The following KIRREL3 variants were observed in gnomAD, a reference collection of about 807,000 sequenced individuals.
The protein encoded by KIRREL3 is kirre like nephrin family adhesion molecule 3.
Under a neutral mutation model 89.7 loss-of-function variants are expected in KIRREL3, and 36 were observed. The observed-to-expected ratio is 0.40, with a 90% CI of 0.31 to 0.53. The LOEUF is 0.53. KIRREL3 is among the 20% of genes least tolerant of loss of function. The pLI, the probability that KIRREL3 is intolerant of heterozygous loss-of-function variation, is 0.49. For synonymous variants in KIRREL3, 445 were observed against 441.4 expected, an observed-to-expected ratio of 1.01 and a Z score of -0.10; for missense variants, 864 against 1,056.6, an observed-to-expected ratio of 0.82 and a Z score of 2.53.
chr11:126,687,514 T>G lies in KIRREL3; in HGVS notation c.56-124602A>C, dbSNP rs1866936914. ...GATATTCCCATGGAGCTGCTAGTTC[T>G]GGAAACACTATGGGGGAAATTGCAG... On this transcript the variant is annotated intron_variant, in intron 1 of 16. Transcript: ENST00000525144. The surrounding 1 kb of genome is among the most constrained non-coding windows in gnomAD (Gnocchi z 4.6). Among the ~76,000 whole-genome samples the G allele has an allele frequency of 6.6e-6, 1 of 152,250 alleles. No individual in the cohort carries two copies. The highest frequency in any genetic ancestry group is 6.5e-5 in the Admixed American group (1 of 15,280).
intron 1 of KIRREL3, among the ~76,000 whole-genome samples, chr11:126,674,804 C>T (rs199945100): frequency 1.3e-5 from 2 of 152,298 alleles, no homozygotes; most frequent in East Asian, 3.9e-4. Flanking sequence ...GATGTGCTTA[C>T]CCTGCACACT....
intron 1 of KIRREL3, among the ~76,000 whole-genome samples, chr11:126,835,729 C>T (rs971384877): frequency 2.0e-5 from 3 of 152,196 alleles, no homozygotes; most frequent in Non-Finnish European, 4.4e-5. Context: ...GAATATAATC[C>T]CCTAAAGAGG....
In KIRREL3 at chr11:126,795,071, T is replaced by C. The variant is rs1950762888; in HGVS notation, c.55+205384A>G. The stretch of plus-strand genomic sequence containing the variant: ...AAGAAAGTTCAGTGTTTGCCAGGGG[T>C]TGGGCAGGAGGAGGAGGAGAGAGAT... On this transcript the variant is annotated intron_variant, in intron 1 of 16. Transcript: ENST00000525144. This position sits in a 1 kb window ranked among gnomAD's most constrained non-coding sequence, Gnocchi z 4.1. 6.6e-6 allele frequency among the ~76,000 whole-genome samples: 1 copy of C among 152,084 alleles called. No individual in the cohort carries two copies.
chr11:126,613,052 C>T (rs1299390820), intron 1 of KIRREL3, among the ~76,000 whole-genome samples: 2 of 152,106 alleles, frequency 1.3e-5, no homozygotes, highest in African/African-American at 2.4e-5. Flanking sequence ...TTTGCAGAAC[C>T]GCCAAACTGC....
Position 126,805,025 on chromosome 11 carries a change from T to C in KIRREL3, c.55+195430A>G, listed in dbSNP as rs964309058. ...ATTAAGATTCAGAAAAGTTGGCTTA[T>C]CATTTAAGGAGCACAGTTCATAGGG... On this transcript the variant is annotated intron_variant, in intron 1 of 16. Coordinates refer to ENST00000525144, the MANE Select transcript of KIRREL3 (RefSeq NM_032531.4). The surrounding 1 kb of genome is among the most constrained non-coding windows in gnomAD (Gnocchi z 4.3). Among the ~76,000 whole-genome samples the C allele has an allele frequency of 6.6e-6, 1 of 152,204 alleles. No homozygotes were observed. The highest frequency in any genetic ancestry group is 2.4e-5 in the African/African-American group (1 of 41,454).
At position 126,685,099 on chromosome 11, in the gene KIRREL3, T is replaced by C. The variant is rs2082568867; in HGVS notation, c.56-122187A>G. Among the ~76,000 whole-genome samples, 1 of 152,120 alleles carries C rather than the reference T, an allele frequency of 6.6e-6. No individual in the cohort carries two copies. Among genetic ancestry groups the C allele is most frequent in the Non-Finnish European group, 1.5e-5 (1 of 68,026 alleles). ...GGAGGAAATACAAAGATGAAGGACATAGTCAATCTCTTCAAGGAGGTCATG... is the reference window on the plus strand; with the variant it reads ...GGAGGAAATACAAAGATGAAGGACACAGTCAATCTCTTCAAGGAGGTCATG... On this transcript the variant is annotated intron_variant, in intron 1 of 16. Coordinates refer to ENST00000525144, the MANE Select transcript of KIRREL3 (RefSeq NM_032531.4). The surrounding 1 kb of genome is among the most constrained non-coding windows in gnomAD (Gnocchi z 5.5).
chr11:126,436,995 C>A lies in KIRREL3; in HGVS notation c.1368G>T (p.Lys456Asn). ...PPPDRIAWSW[K>N]ENVLESGTSG... is the part of the protein sequence containing the mutation. The stretch of plus-strand genomic sequence containing the variant: ...ATGTGCCCGACTCCAGAACGTTCTC[C>A]TTCCAGGACCAGGCCTGCCCGGGGG... Residue 456 changes from lysine to asparagine, a missense_variant, in exon 12 of 17, where the codon AAG (lysine) becomes AAT (asparagine). Lys to Asn is a moderately conservative substitution (Grantham distance 94). Transcript: ENST00000525144. The A allele has an allele frequency of 1.3e-6, 2 of 1,553,178 alleles. No homozygotes were observed. Among genetic ancestry groups the A allele is most frequent in the Non-Finnish European group, 1.7e-6 (2 of 1,143,654 alleles).
Position 126,808,922 on chromosome 11 carries a change from A to G in KIRREL3, c.55+191533T>C, listed in dbSNP as rs1951290238. 6.6e-6 allele frequency among the ~76,000 whole-genome samples: 1 copy of G among 152,178 alleles called. No individual in the cohort carries two copies. The highest frequency in any genetic ancestry group is 1.5e-5 in the Non-Finnish European group (1 of 68,044). ...TCAAGGTCGGGAGGTTCCAGAATGG[A>G]CTGATTCTGCTTTATTCATAACTGT... On this transcript the variant is annotated intron_variant, in intron 1 of 16. Transcript: ENST00000525144. The surrounding 1 kb of genome is among the most constrained non-coding windows in gnomAD (Gnocchi z 4.1).
rs558577390 is a variant in KIRREL3, at chr11:126,612,882, A to C, written c.56-49970T>G. On this transcript the variant is annotated intron_variant, in intron 1 of 16. Transcript: ENST00000525144. The surrounding 1 kb of genome is among the most constrained non-coding windows in gnomAD (Gnocchi z 4.5). ...TATAAGCGCATTTTGTCCATTCATC[A>C]TCTGCTAGACATTTGGGCTGTTTCC... Among the ~76,000 whole-genome samples the C allele has an allele frequency of 1.3e-5, 2 of 152,282 alleles. No homozygotes were observed. The highest frequency in any genetic ancestry group is 3.9e-4 in the East Asian group (2 of 5,192).
Position 126,943,351 on chromosome 11 carries a change from GAAC to G in KIRREL3, c.55+57101_55+57103del, listed in dbSNP as rs1948517907. Among the ~76,000 whole-genome samples the G allele has an allele frequency of 6.6e-6, 1 of 152,090 alleles. No individual in the cohort carries two copies. Among genetic ancestry groups the G allele is most frequent in the Non-Finnish European group, 1.5e-5 (1 of 68,022 alleles). On this transcript the variant is annotated intron_variant, in intron 1 of 16. Transcript: ENST00000525144. The surrounding 1 kb of genome is among the most constrained non-coding windows in gnomAD (Gnocchi z 4.2). ...TCCACCACGGAACGCCTTACTCCTG[GAAC>G]TAATCACAGCATTTCTCTACCCTCC...
chr11:126,440,622 A>G, intron 10 of KIRREL3, 73 bp from the exon 11 acceptor site: 1 of 1,290,956 alleles, frequency 7.7e-7, no homozygotes, highest in Non-Finnish European at 1.1e-6. Flanking sequence ...GGGTGGGTTC[A>G]GAAGTGTATT....
At chr11:126,790,550 TA>T (rs950345081) in intron 1 of KIRREL3, among the ~76,000 whole-genome samples, 5 of 152,054 alleles carry the variant, frequency 3.3e-5, no homozygotes, top group African/African-American at 1.2e-4. Flanking sequence ...CATGTTTAAT[TA>T]AAAAAAATAC....
intron 5 of KIRREL3, among the ~76,000 whole-genome samples, chr11:126,470,169 A>T (rs948327696): frequency 6.6e-6 from 1 of 152,276 alleles, no homozygotes; most frequent in Non-Finnish European, 1.5e-5. Context: ...CTCTCTCTCC[A>T]CCTGATGGCA....
intron 1 of KIRREL3, among the ~76,000 whole-genome samples, chr11:126,826,397 T>C (rs1472855598): frequency 6.6e-6 from 1 of 152,232 alleles, no homozygotes; most frequent in East Asian, 1.9e-4. Context: ...TGATTTCCCA[T>C]ATGACCATGC....
intron 1 of KIRREL3, among the ~76,000 whole-genome samples, chr11:126,657,458 A>C (rs1370582912): frequency 1.3e-5 from 2 of 152,202 alleles, no homozygotes; most frequent in African/African-American, 4.8e-5. Context: ...AAACCTCCAT[A>C]TGTGGCAGGG....
In KIRREL3 at chr11:126,773,962, T is replaced by C. The variant is rs554264518; in HGVS notation, c.56-211050A>G. 1.3e-5 allele frequency among the ~76,000 whole-genome samples: 2 copies of C among 152,030 alleles called. No individual in the cohort carries two copies. The highest frequency in any genetic ancestry group is 4.2e-4 in the South Asian group (2 of 4,812). ...TTTTACTATTGAATATCTTATCAAA[T>C]AGGAACAAAGCCAGGGACAGGGTAA... On this transcript the variant is annotated intron_variant, in intron 1 of 16. Transcript: ENST00000525144. The surrounding 1 kb of genome is among the most constrained non-coding windows in gnomAD (Gnocchi z 4.2).
rs1367345151 is a variant in KIRREL3 at position 126,771,106 on chromosome 11, G to T, written c.56-208194C>A. Among the ~76,000 whole-genome samples, 4 of 152,108 alleles carry T rather than the reference G, an allele frequency of 2.6e-5. No homozygotes were observed. The highest frequency in any genetic ancestry group is 3.9e-4 in the East Asian group (2 of 5,194). On this transcript the variant is annotated intron_variant, in intron 1 of 16. Transcript: ENST00000525144. The surrounding 1 kb of genome is among the most constrained non-coding windows in gnomAD (Gnocchi z 4.4). ...CTTGCCTTGGCATCCCAAAGTCCTG[G>T]GATTACAGGCATGAGCCACTTCCTC...
intron 1 of KIRREL3, among the ~76,000 whole-genome samples, chr11:126,585,017 T>C (rs1297692075): frequency 2.0e-5 from 3 of 151,138 alleles, no homozygotes; most frequent in East Asian, 3.9e-4. Flanking sequence ...CTCCCGGGTT[T>C]ACGCCATTCT....
intron 1 of KIRREL3, among the ~76,000 whole-genome samples, chr11:126,915,755 T>C (rs760876939): frequency 2.0e-5 from 3 of 152,256 alleles, no homozygotes; most frequent in Admixed American, 1.3e-4. Flanking sequence ...TTTAGTCACA[T>C]TGTAGTCAAC....
Sources: allele counts gnomAD v4.1 joint callset (sites outside exome capture counted in the v4.1 genomes callset), GRCh38; gene constraint gnomAD v4.1.1; non-coding constraint Gnocchi (gnomAD v3.1); transcripts MANE v1.5; gene names NCBI Gene and HGNC (gene_info 2026-07-23, HGNC 2026-07-21).